The following UNC13C variants were observed in gnomAD, a reference collection of about 807,000 sequenced individuals.
UNC13C encodes the protein unc-13 homolog C, also known as protein unc-13 homolog C.
Under a neutral mutation model 245.4 loss-of-function variants are expected in UNC13C, and 174 were observed. That is an observed-to-expected ratio of 0.71 (90% CI 0.63 to 0.80). The LOEUF (loss-of-function observed/expected upper bound fraction) is 0.80, where lower values mean the gene tolerates loss of function less well. UNC13C is among the 30% of genes least tolerant of loss of function. UNC13C has a pLI of 0.00. For synonymous variants in UNC13C, 992 were observed against 895.1 expected (o/e 1.11, Z -1.93); for missense variants, 2,829 against 2,602.9 (o/e 1.09, Z -1.89).
chr15:54,235,931 ACT>A (rs1366309488), intron 5 of UNC13C, among the ~76,000 whole-genome samples: 2 of 152,006 alleles, frequency 1.3e-5, no homozygotes, highest in African/African-American at 2.4e-5. Context: ...TCTGATCATG[ACT>A]CTGAATAAAT....
chr15:54,561,582 A>G (rs1019181967), intron 29 of UNC13C, among the ~76,000 whole-genome samples: 2 of 152,142 alleles, frequency 1.3e-5, no homozygotes, highest in African/African-American at 4.8e-5. Context: ...TACTCTGTGG[A>G]CTGGCCTGGA....
At chr15:53,964,413 A>T in the UNC13C span, among the ~76,000 whole-genome samples, 1 of 152,318 alleles carries the variant, frequency 6.6e-6, no homozygotes. Flanking sequence ...TTTTACAGCT[A>T]CTTGCACAGA....
At chr15:54,347,367 C>T (rs34419514) in intron 17 of UNC13C, among the ~76,000 whole-genome samples, 1 of 151,964 alleles carries the variant, frequency 6.6e-6, no homozygotes, top group African/African-American at 2.4e-5. Context: ...ATGTCAAAAA[C>T]CAATAAAACC....
chr15:53,942,039 C>T, the UNC13C span, among the ~76,000 whole-genome samples: 1 of 152,130 alleles, frequency 6.6e-6, no homozygotes, highest in East Asian at 1.9e-4. Flanking sequence ...CTTGACCCAG[C>T]AATCCCGTTA....
intron 2 of UNC13C, among the ~76,000 whole-genome samples, chr15:54,117,523 TTCTCTCTC>T (rs56332846): frequency 0.023 from 2,348 of 102,116 alleles, 30 homozygotes; most frequent in Middle Eastern, 0.026. Flanking sequence ...ACTATTATGT[TTCTCTCTC>T]TCTCTCTCTC....
intron 19 of UNC13C, among the ~76,000 whole-genome samples, chr15:54,422,143 G>A (rs986420752): frequency 3.3e-5 from 5 of 151,878 alleles, no homozygotes; most frequent in African/African-American, 9.7e-5. Context: ...TGGATTATCA[G>A]ACATTATCTT....
intron 2 of UNC13C, among the ~76,000 whole-genome samples, chr15:54,020,083 G>A (rs1895827044): frequency 6.6e-6 from 1 of 152,088 alleles, no homozygotes; most frequent in Non-Finnish European, 1.5e-5. Flanking sequence ...CAGGTCAGGA[G>A]GATGCAGTCT....
At chr15:54,592,333 A>T (rs1203116503) in intron 30 of UNC13C, among the ~76,000 whole-genome samples, 1 of 152,116 alleles carries the variant, frequency 6.6e-6, no homozygotes, top group Non-Finnish European at 1.5e-5. Flanking sequence ...GTACAGTTTA[A>T]ATCCATTGTT....
intron 17 of UNC13C, among the ~76,000 whole-genome samples, chr15:54,342,689 A>G (rs537690445): frequency 1.3e-5 from 2 of 152,322 alleles, no homozygotes; most frequent in South Asian, 4.1e-4. Flanking sequence ...AATTCTAGAA[A>G]GCAATGTTAG....
At chr15:54,477,845 C>T (rs190642294) in intron 19 of UNC13C, among the ~76,000 whole-genome samples, 10,889 of 148,030 alleles carry the variant, frequency 0.074, 388 homozygotes, top group African/African-American at 0.11. Flanking sequence ...AGGAGGAGTC[C>T]CTCTTTTTCT....
chr15:54,074,942 A>G (rs938385943), intron 2 of UNC13C, among the ~76,000 whole-genome samples: 1 of 152,094 alleles, frequency 6.6e-6, no homozygotes, highest in African/African-American at 2.4e-5. Flanking sequence ...GCCTCTTTCT[A>G]TTCTCAGTTC....
At chr15:54,104,401 T>A (rs1349359079) in intron 2 of UNC13C, among the ~76,000 whole-genome samples, 2 of 152,146 alleles carry the variant, frequency 1.3e-5, no homozygotes, top group Non-Finnish European at 2.9e-5. Context: ...TTCTTAGATT[T>A]TTTTCCCCCT....
downstream of UNC13C, chr15:54,629,273 T>G (rs974157052): frequency 1.3e-5 from 2 of 151,992 alleles, no homozygotes; most frequent in African/African-American, 4.8e-5. Flanking sequence ...CAACAGACAC[T>G]GTGGCCTACT....
intron 2 of UNC13C, among the ~76,000 whole-genome samples, chr15:54,044,632 A>G (rs1456750921): frequency 6.6e-6 from 1 of 152,114 alleles, no homozygotes; most frequent in Non-Finnish European, 1.5e-5. Context: ...CTTTTTTGTT[A>G]TACTCATCCT....
intron 30 of UNC13C, among the ~76,000 whole-genome samples, chr15:54,595,774 C>A (rs1899044290): frequency 3.3e-5 from 5 of 152,166 alleles, no homozygotes; most frequent in Admixed American, 2.6e-4. Context: ...ATTCAGAATT[C>A]TTGGACAGCT....
At chr15:54,146,432 G>C (rs960496401) in intron 4 of UNC13C, among the ~76,000 whole-genome samples, 1 of 152,118 alleles carries the variant, frequency 6.6e-6, no homozygotes, top group Non-Finnish European at 1.5e-5. Context: ...ACTGAAACCA[G>C]ATAATGAAAT....
intron 2 of UNC13C, among the ~76,000 whole-genome samples, chr15:54,053,554 T>G (rs1897364991): frequency 6.6e-6 from 1 of 152,194 alleles, no homozygotes; most frequent in African/African-American, 2.4e-5. Flanking sequence ...CATATTTTGA[T>G]ACAGACATAC....
chr15:53,859,106 G>A, the UNC13C span, among the ~76,000 whole-genome samples: 1 of 151,986 alleles, frequency 6.6e-6, no homozygotes, highest in East Asian at 1.9e-4. Flanking sequence ...AAGAAAGCTA[G>A]TTAACTAGCA....
intron 19 of UNC13C, among the ~76,000 whole-genome samples, chr15:54,445,121 C>T (rs1315777545): frequency 1.3e-5 from 2 of 151,942 alleles, no homozygotes; most frequent in Non-Finnish European, 1.5e-5. Flanking sequence ...CAGCTTCATC[C>T]ATGTCCCTAT....
Sources: allele counts gnomAD v4.1 joint callset (sites outside exome capture counted in the v4.1 genomes callset), GRCh38; gene constraint gnomAD v4.1.1; transcripts MANE v1.5; gene names NCBI Gene and HGNC (gene_info 2026-07-23, HGNC 2026-07-21).